CACNB4: variants seen among roughly 807,000 people sequenced by gnomAD.
The protein encoded by CACNB4 is calcium voltage-gated channel auxiliary subunit beta 4, also known as voltage-dependent L-type calcium channel subunit beta-4.
A neutral mutation model predicts 71.2 loss-of-function variants in CACNB4; 32 were observed. The observed-to-expected ratio is 0.45, with a 90% CI of 0.34 to 0.60. CACNB4 has a LOEUF of 0.60. Ranked by LOEUF, CACNB4 falls within the 20% of genes least tolerant of loss-of-function variation. CACNB4 has a pLI of 0.01. For synonymous variants in CACNB4, 231 were observed against 236.9 expected, an observed-to-expected ratio of 0.97 and a Z score of 0.23; for missense variants, 464 against 647.9, an observed-to-expected ratio of 0.72 and a Z score of 3.08.
At position 151,833,366 on chromosome 2, in the gene CACNB4, T is replaced by C. The variant is rs1024762834; in HGVS notation, c.*5753A>G. The stretch of plus-strand genomic sequence containing the variant: ...ATTAAAGAATCCCTAACTAATATAA[T>C]TTTTTGTGGTTGGGACATCTTTATT... On this transcript the variant is annotated 3_prime_UTR_variant, in exon 14 of 14. Coordinates refer to ENST00000539935, the MANE Select transcript of CACNB4 (RefSeq NM_000726.5). 2 of 152,112 alleles carry C rather than the reference T, an allele frequency of 1.3e-5. No homozygotes were observed. The highest frequency in any genetic ancestry group is 4.8e-5 in the African/African-American group (2 of 41,450). 9.4% of individuals were successfully genotyped at this position (152,112 alleles called of 1,614,324 possible). A position where few individuals can be genotyped will look rare whatever the true frequency, so the allele number is the denominator to read the frequency against.
intron 5 of CACNB4, chr2:151,873,868 G>A (rs2099845249): frequency 3.3e-5 from 5 of 152,220 alleles, no homozygotes; most frequent in Admixed American, 2.0e-4. Context: ...TGATGGAGGT[G>A]GGGACTGGTG....
chr2:151,888,280 G>A (rs2099849869), intron 2 of CACNB4, among the ~76,000 whole-genome samples: 1 of 152,134 alleles, frequency 6.6e-6, no homozygotes, highest in Non-Finnish European at 1.5e-5. Flanking sequence ...AATGCAACCA[G>A]GCTGGGCATG....
chr2:151,879,259 A>C (rs2099847236), intron 4 of CACNB4, among the ~76,000 whole-genome samples: 1 of 152,224 alleles, frequency 6.6e-6, no homozygotes, highest in Non-Finnish European at 1.5e-5. Flanking sequence ...TGAAATGGTT[A>C]ATTCAACTTC....
chr2:151,921,448 T>G (rs1310147820), intron 2 of CACNB4, among the ~76,000 whole-genome samples: 1 of 152,188 alleles, frequency 6.6e-6, no homozygotes, highest in East Asian at 1.9e-4. Context: ...GACCACAAAC[T>G]TAATGGCTTA....
intron 2 of CACNB4, among the ~76,000 whole-genome samples, chr2:151,965,002 A>G (rs1399448097): frequency 6.6e-6 from 1 of 152,214 alleles, no homozygotes; most frequent in Non-Finnish European, 1.5e-5. Flanking sequence ...CGTTAACAAC[A>G]TGATCAAGTG....
At chr2:152,010,575 G>A (rs1682998680) in intron 2 of CACNB4, among the ~76,000 whole-genome samples, 1 of 152,210 alleles carries the variant, frequency 6.6e-6, no homozygotes, top group Non-Finnish European at 1.5e-5. Flanking sequence ...GCCTTATTGT[G>A]TATAGCACCC....
intron 2 of CACNB4, among the ~76,000 whole-genome samples, chr2:151,940,632 A>G (rs2099864000): frequency 1.3e-5 from 2 of 152,168 alleles, no homozygotes; most frequent in Admixed American, 1.3e-4. Context: ...ATCCTATCGG[A>G]ACTTCAATTT....
intron 2 of CACNB4, among the ~76,000 whole-genome samples, chr2:151,916,898 C>A (rs1283800575): frequency 6.6e-6 from 1 of 152,206 alleles, no homozygotes; most frequent in Admixed American, 6.5e-5. Context: ...AAACACCCTG[C>A]AATGCACAGG....
rs1163942505 is a variant in CACNB4, at chr2:152,073,169, T to C, written c.147+25161A>G. On this transcript the variant is annotated intron_variant, in intron 2 of 13. Coordinates refer to ENST00000539935, the MANE Select transcript of CACNB4 (RefSeq NM_000726.5). ...GGCATCAGGAAGAAATCTATATAGA[T>C]TTACTTGTGCAGTTGGCAGAGAGAA... Among the ~76,000 whole-genome samples the C allele has an allele frequency of 2.6e-5, 4 of 152,240 alleles. No individual in the cohort carries two copies. The East Asian group carries it at 7.7e-4, about 29-fold the overall frequency.
intron 2 of CACNB4, among the ~76,000 whole-genome samples, chr2:152,082,427 G>A (rs576141884): frequency 7.2e-4 from 109 of 152,288 alleles, no homozygotes; most frequent in African/African-American, 2.5e-3. Context: ...AATCAGTAGG[G>A]AATTGGATCC....
At chr2:151,871,957 C>A in intron 6 of CACNB4, 2 of 157,108 alleles carry the variant, frequency 1.3e-5, no homozygotes, top group Non-Finnish European at 2.8e-5. Context: ...TAAACGAGGC[C>A]CTCCCTCCTT....
chr2:151,941,837 G>A (rs1164530884), intron 2 of CACNB4, among the ~76,000 whole-genome samples: 2 of 152,194 alleles, frequency 1.3e-5, no homozygotes, highest in Admixed American at 6.5e-5. Context: ...ATGGAAAGGA[G>A]TGAGTGCTGG....
chr2:152,092,375 C>T (rs1044486710), intron 2 of CACNB4, among the ~76,000 whole-genome samples: 4 of 152,096 alleles, frequency 2.6e-5, no homozygotes, highest in African/African-American at 9.7e-5. Context: ...AATTATAACC[C>T]CAAGAATTTG....
chr2:151,847,936 T>C (rs781636138), intron 12 of CACNB4, among the ~76,000 whole-genome samples: 1 of 152,182 alleles, frequency 6.6e-6, no homozygotes, highest in African/African-American at 2.4e-5. Flanking sequence ...GGAAAGATAA[T>C]CATAATTCTT....
chr2:152,008,190 C>CT (rs1002537899), intron 2 of CACNB4, among the ~76,000 whole-genome samples: 43 of 148,254 alleles, frequency 2.9e-4, no homozygotes, highest in Admixed American at 7.4e-4. Flanking sequence ...AACACTTGTT[C>CT]TTTTTTTTTT....
chr2:151,872,549 C>G (rs922888397), intron 5 of CACNB4, 56 bp from the exon 6 acceptor site: 1 of 939,396 alleles, frequency 1.1e-6, no homozygotes, highest in African/African-American at 1.7e-5. Context: ...GAAAATAGAA[C>G]TTGAGAGTAC....
chr2:152,027,629 G>A (rs984247017), intron 2 of CACNB4, among the ~76,000 whole-genome samples: 34 of 152,082 alleles, frequency 2.2e-4, no homozygotes, highest in African/African-American at 6.5e-4. Flanking sequence ...CGAGGCGGGC[G>A]GATCACGAGG....
intron 2 of CACNB4, among the ~76,000 whole-genome samples, chr2:152,094,578 T>C (rs374149960): frequency 3.3e-5 from 5 of 152,172 alleles, no homozygotes; most frequent in African/African-American, 1.2e-4. Flanking sequence ...GATATACTTA[T>C]GGATATATAA....
upstream of CACNB4, chr2:152,099,145 T>C (rs745786031): frequency 5.5e-6 from 3 of 542,482 alleles, no homozygotes; most frequent in Non-Finnish European, 9.5e-6. Context: ...GCGCCCAGGC[T>C]CCCTGCCCGC....
Sources: gnomAD v4.1 joint callset for allele counts (sites outside exome capture counted in the v4.1 genomes callset) on GRCh38, gnomAD v4.1.1 for gene constraint, MANE v1.5 for transcripts, NCBI Gene and HGNC (gene_info 2026-07-23, HGNC 2026-07-21) for gene names.